MX2: variants seen among roughly 807,000 people sequenced by gnomAD.
MX2 encodes interferon-induced GTP-binding protein Mx2.
A neutral mutation model predicts 74.0 loss-of-function variants in MX2; 51 were observed. The observed-to-expected ratio is 0.69, with a 90% CI of 0.55 to 0.87. The LOEUF (loss-of-function observed/expected upper bound fraction) is 0.87. MX2 is among the 40% of genes least tolerant of loss of function. The pLI, the probability that MX2 is intolerant of heterozygous loss-of-function variation, is 0.00. For missense variants in MX2, 832 were observed against 908.7 expected, an observed-to-expected ratio of 0.92 and a Z score of 1.09; for synonymous variants, 369 against 339.3, an observed-to-expected ratio of 1.09 and a Z score of -0.96.
intron 5 of MX2, among the ~76,000 whole-genome samples, chr21:41,383,409 G>A (rs959038304): frequency 1.3e-5 from 2 of 152,164 alleles, no homozygotes; most frequent in East Asian, 1.9e-4. Flanking sequence ...CATAGTCCTC[G>A]CTCAGGTGCC....
chr21:41,406,758 C>A lies in MX2; in HGVS notation c.1665C>A (p.Asp555Glu). The A allele has an allele frequency of 6.2e-7, 1 of 1,614,060 alleles. No individual in the cohort carries two copies. ...TATCTAACCAGAGCACGATTGAAGA[C>A]ATAAAAGTGAAACACACAGCAAAGG... ...LNQTVQSTIEDIKVKHTAKAE... is the reference protein window; with the variant it reads ...LNQTVQSTIEEIKVKHTAKAE... The change falls in exon 13 of 14, where the codon GAC (aspartate) becomes GAA (glutamate). Residue 555 changes from aspartate to glutamate, a missense_variant. Physicochemically the swap from Asp to Glu is conservative, Grantham distance 45. Transcript: ENST00000330714.
At chr21:41,381,615 G>T (rs1187971633) in intron 4 of MX2, among the ~76,000 whole-genome samples, 2 of 149,268 alleles carry the variant, frequency 1.3e-5, no homozygotes, top group Non-Finnish European at 3.0e-5. Flanking sequence ...AACCCGAAAG[G>T]CAGAGCTTTC....
chr21:41,403,234 C>T (rs769787546), intron 11 of MX2, 33 bp from the exon 12 acceptor site: 1 of 1,502,574 alleles, frequency 6.7e-7, no homozygotes, highest in Non-Finnish European at 9.1e-7. Context: ...CTGATGTTTT[C>T]TTCTTCTTCT....
At chr21:41,370,030 G>T (rs2089303183) in intron 1 of MX2, among the ~76,000 whole-genome samples, 1 of 152,196 alleles carries the variant, frequency 6.6e-6, no homozygotes, top group African/African-American at 2.4e-5. Flanking sequence ...CTCGACGAGG[G>T]TAGCAAAGCA....
At chr21:41,373,415 G>C (rs1355671356) in intron 1 of MX2, among the ~76,000 whole-genome samples, 1 of 152,172 alleles carries the variant, frequency 6.6e-6, no homozygotes, top group Non-Finnish European at 1.5e-5. Flanking sequence ...GTAGGCACTG[G>C]AGAGCAGGGG....
chr21:41,370,018 G>A (rs929143387), intron 1 of MX2, among the ~76,000 whole-genome samples: 2 of 152,176 alleles, frequency 1.3e-5, no homozygotes, highest in Non-Finnish European at 2.9e-5. Context: ...TGTTTTGCTA[G>A]ACTCGACGAG....
chr21:41,386,685 TG>T (rs1161826331), intron 5 of MX2, among the ~76,000 whole-genome samples: 1 of 152,152 alleles, frequency 6.6e-6, no homozygotes. Flanking sequence ...GGCCTCCAGG[TG>T]GCCTGTCTGA....
chr21:41,387,281 C>A, intron 5 of MX2, among the ~76,000 whole-genome samples: 1 of 152,146 alleles, frequency 6.6e-6, no homozygotes, highest in Non-Finnish European at 1.5e-5. Context: ...AAGATTCATG[C>A]CTCTCCTCCA....
At chr21:41,379,016 C>G (rs1054314540) in intron 3 of MX2, among the ~76,000 whole-genome samples, 8 of 152,234 alleles carry the variant, frequency 5.3e-5, no homozygotes, top group Non-Finnish European at 7.3e-5. Context: ...CCCTGCACAG[C>G]CCCCTGCAAC....
intron 1 of MX2, chr21:41,367,131 G>A (rs575329566): frequency 1.4e-4 from 22 of 152,178 alleles, no homozygotes; most frequent in Non-Finnish European, 2.6e-4. Context: ...TAGGACAATT[G>A]TCTCTCTCAC....
Position 41,380,069 on chromosome 21 carries a change from G to A in MX2, c.495G>A (p.Glu165=), listed in dbSNP as rs749913134. ...TGAAACTGAAAAAGCAGCCCTGTGAGGCATGGGCCGGAAGGATCAGCTACC... is the reference window on the plus strand; with the variant it reads ...TGAAACTGAAAAAGCAGCCCTGTGAAGCATGGGCCGGAAGGATCAGCTACC... ...LVLKLKKQPC[E]AWAGRISYRN... The change falls in exon 4 of 14, where the codon GAG becomes GAA. Residue 165 remains glutamate (E), a synonymous_variant. Transcript: ENST00000330714. The surrounding 1 kb of genome is among the most constrained non-coding windows in gnomAD (Gnocchi z 4.3). 2 of 1,614,048 alleles carry A rather than the reference G, an allele frequency of 1.2e-6. No individual in the cohort carries two copies. The highest frequency in any genetic ancestry group is 1.1e-5 in the South Asian group (1 of 91,080).
At chr21:41,381,717 G>A (rs1003061761) in intron 4 of MX2, among the ~76,000 whole-genome samples, 3 of 148,540 alleles carry the variant, frequency 2.0e-5, no homozygotes, top group Non-Finnish European at 4.4e-5. Flanking sequence ...AGAATGAATA[G>A]CGAGCAAACC....
chr21:41,396,901 G>A (rs1454376273), intron 7 of MX2, among the ~76,000 whole-genome samples: 1 of 152,168 alleles, frequency 6.6e-6, no homozygotes, highest in Non-Finnish European at 1.5e-5. Context: ...CCTGAGGCCG[G>A]GGGAGGTGCC....
intron 6 of MX2, 152 bp from the exon 7 acceptor site, chr21:41,395,435 G>T: frequency 1.6e-6 from 1 of 643,194 alleles, no homozygotes; most frequent in Non-Finnish European, 2.7e-6. Context: ...AAGAAGAGGG[G>T]CAATGAGGGA....
In MX2 at chr21:41,382,395, T is replaced by A; in HGVS notation, c.578-15T>A. 1 of 1,612,666 alleles carries A rather than the reference T, an allele frequency of 6.2e-7. No individual in the cohort carries two copies. The highest frequency in any genetic ancestry group is 8.5e-7 in the Non-Finnish European group (1 of 1,179,198). The stretch of plus-strand genomic sequence containing the variant: ...TAATGAGGGCTCTGGGTTTCTCCCC[T>A]CCTGGCCTCCATAGCCCAGAACGTC... On this transcript the variant is annotated splice_polypyrimidine_tract_variant and intron_variant, in intron 4 of 13. Transcript: ENST00000330714.
At chr21:41,369,316 G>C (rs1021881736) in intron 1 of MX2, among the ~76,000 whole-genome samples, 4 of 152,220 alleles carry the variant, frequency 2.6e-5, no homozygotes, top group East Asian at 1.9e-4. Flanking sequence ...AGGGACCCCA[G>C]GTGGGGCTGC....
chr21:41,393,481 T>C (rs2089691070), intron 6 of MX2, among the ~76,000 whole-genome samples: 1 of 151,644 alleles, frequency 6.6e-6, no homozygotes, highest in African/African-American at 2.4e-5. Flanking sequence ...ACTCCCTCCT[T>C]CCTGAACCTC....
chr21:41,395,546 A>G, intron 6 of MX2, 41 bp from the exon 7 acceptor site: 4 of 1,600,690 alleles, frequency 2.5e-6, no homozygotes, highest in Admixed American at 1.7e-5. Flanking sequence ...GTTTGAGGGG[A>G]TCACTGACCT....
At chr21:41,386,254 T>TCTG (rs1281779018) in intron 5 of MX2, among the ~76,000 whole-genome samples, 1 of 98,886 alleles carries the variant, frequency 1.0e-5, no homozygotes, top group Non-Finnish European at 2.2e-5. Context: ...AAAAAACAAA[T>TCTG]CTGCAAAGCA....
Sources: allele counts gnomAD v4.1 joint callset (sites outside exome capture counted in the v4.1 genomes callset), GRCh38; gene constraint gnomAD v4.1.1; non-coding constraint Gnocchi (gnomAD v3.1); transcripts MANE v1.5; gene names NCBI Gene and HGNC (gene_info 2026-07-23, HGNC 2026-07-21).